Variants in EPRS1 observed in about 807,000 individuals in gnomAD.
EPRS1 encodes bifunctional glutamate/proline--tRNA ligase.
In EPRS1, 107 loss-of-function variants were observed where a neutral mutation model predicts 188.3. The ratio of observed to expected loss-of-function variants is 0.57; its 90% CI spans 0.49 to 0.67. The LOEUF is 0.67. EPRS1 is among the 30% of genes least tolerant of loss of function. The pLI is 0.00. For synonymous variants in EPRS1, 596 were observed against 593.1 expected (o/e 1.00, Z -0.07); for missense variants, 1,577 against 1,802.2 (o/e 0.88, Z 2.26).
chr1:219,978,962 A>AT (rs765667656), intron 27 of EPRS1, among the ~76,000 whole-genome samples: 377 of 42,368 alleles, frequency 8.9e-3, no homozygotes, highest in East Asian at 0.035. Context: ...ATATATATAT[A>AT]TATTTTTTTT....
At position 219,988,728 on chromosome 1, in the gene EPRS1, T is replaced by C; in HGVS notation, c.2637A>G (p.Leu879=). The change falls in exon 19 of 32, where the codon TTA becomes TTG. Residue 879 remains leucine, a synonymous_variant. Coordinates refer to ENST00000366923, the MANE Select transcript of EPRS1 (RefSeq NM_004446.3). ...TTGGGCTTGAATCCGAACTTTGAGA[T>C]AATGGGGGCTGACCAGGTATGTACT... ...GKEYIPGQPP[L]SQSSDSSPTR... The C allele has an allele frequency of 6.2e-7, 1 of 1,613,960 alleles. No individual in the cohort carries two copies. Among genetic ancestry groups the C allele is most frequent in the East Asian group, 2.2e-5 (1 of 44,876 alleles).
intron 18 of EPRS1, among the ~76,000 whole-genome samples, chr1:219,996,741 A>T (rs1337638959): frequency 4.6e-5 from 7 of 152,232 alleles, no homozygotes; most frequent in Admixed American, 4.6e-4. Context: ...ACAAAGGATT[A>T]CAGTCACATC....
chr1:219,995,118 G>A (rs1661206881), intron 18 of EPRS1, among the ~76,000 whole-genome samples: 1 of 152,158 alleles, frequency 6.6e-6, no homozygotes, highest in African/African-American at 2.4e-5. Context: ...CTAAACTGAA[G>A]TCAGATTTAT....
At position 219,982,840 on chromosome 1, in the gene EPRS1, G is replaced by C; in HGVS notation, c.3305C>G (p.Ala1102Gly). ...THVADFAPEV[A>G]WVTRSGKTEL... Reference sequence around the variant, plus strand: ...GGTTTTGCCAGATCTTGTAACCCAAGCAACCTAGTAAGAAAAAATCATTTT... The same window carrying C: ...GGTTTTGCCAGATCTTGTAACCCAACCAACCTAGTAAGAAAAAATCATTTT... Residue 1102 changes from alanine (A) to glycine (G), a missense_variant, in exon 23 of 32, where the codon GCT becomes GGT. This residue lies in a region of EPRS1 where 1,278 missense variants were observed against 1,457.4 expected (regional missense o/e 0.88). Coordinates refer to ENST00000366923, the MANE Select transcript of EPRS1 (RefSeq NM_004446.3). The C allele has an allele frequency of 6.2e-7, 1 of 1,613,660 alleles. No homozygotes were observed. The highest frequency in any genetic ancestry group is 8.5e-7 in the Non-Finnish European group (1 of 1,179,684).
chr1:220,042,748 C>T (rs907029555), intron 1 of EPRS1, among the ~76,000 whole-genome samples: 16 of 151,612 alleles, frequency 1.1e-4, no homozygotes, highest in African/African-American at 1.5e-4. Context: ...GGTGAAACTC[C>T]GTCTCTACTA....
Position 220,033,684 on chromosome 1 carries a change from A to C in EPRS1, c.232-26T>G, listed in dbSNP as rs770251197. 6 of 1,545,186 alleles carry C rather than the reference A, an allele frequency of 3.9e-6. No individual in the cohort carries two copies. In the South Asian group the frequency reaches 7.0e-5, roughly 18 times the overall value. ...CTGTCAACATAAAAGACAGAAAAGAAATGCATTCCAACATTTCAACTTATA... is the reference window on the plus strand; with the variant it reads ...CTGTCAACATAAAAGACAGAAAAGACATGCATTCCAACATTTCAACTTATA... On this transcript the variant is annotated intron_variant, in intron 3 of 31. Transcript: ENST00000366923.
intron 12 of EPRS1, among the ~76,000 whole-genome samples, chr1:220,014,171 T>C (rs1661657195): frequency 1.3e-5 from 2 of 151,742 alleles, no homozygotes; most frequent in Non-Finnish European, 2.9e-5. Flanking sequence ...ATACTAAAAA[T>C]ACAAAAATTA....
At chr1:220,043,470 G>A (rs555812194) in intron 1 of EPRS1, among the ~76,000 whole-genome samples, 3 of 151,998 alleles carry the variant, frequency 2.0e-5, no homozygotes, top group South Asian at 2.1e-4. Flanking sequence ...TCACTATCTC[G>A]CAAACATCAT....
At chr1:219,986,783 A>ATGTGTATGTGTGTGTG (rs1661014044) in intron 20 of EPRS1, among the ~76,000 whole-genome samples, 1 of 150,156 alleles carries the variant, frequency 6.7e-6, no homozygotes, top group Non-Finnish European at 1.5e-5. Flanking sequence ...GAAAATATGT[A>ATGTGTATGTGTGTGTG]TGTGTGTGTG....
chr1:219,975,046 T>A (rs532480403), intron 28 of EPRS1, among the ~76,000 whole-genome samples: 22 of 152,306 alleles, frequency 1.4e-4, no homozygotes, highest in African/African-American at 5.3e-4. Flanking sequence ...AAAATGCCTA[T>A]GTCATAAATG....
intron 20 of EPRS1, 30 bp from the exon 21 acceptor site, chr1:219,984,287 T>A (rs545931937): frequency 1.3e-5 from 20 of 1,547,032 alleles, no homozygotes; most frequent in Non-Finnish European, 1.7e-5. Flanking sequence ...AAGATAAATA[T>A]CTTCATTCAG....
chr1:220,018,044 T>C (rs1189224268), intron 12 of EPRS1: 2 of 746,692 alleles, frequency 2.7e-6, no homozygotes, highest in Non-Finnish European at 3.9e-6. Context: ...TGATTGTGCT[T>C]CAAAGCCATA....
intron 15 of EPRS1, 67 bp downstream of exon 15, chr1:220,006,039 T>C (rs1661461189): frequency 8.8e-6 from 8 of 912,286 alleles, no homozygotes; most frequent in Non-Finnish European, 1.3e-5. Flanking sequence ...CCGAAATATA[T>C]AAAATTAATT....
intron 2 of EPRS1, among the ~76,000 whole-genome samples, chr1:220,037,736 T>C (rs760984748): frequency 5.3e-5 from 8 of 152,130 alleles, no homozygotes; most frequent in Non-Finnish European, 8.8e-5. Flanking sequence ...AAGCATATTA[T>C]TGTAAAATTT....
rs909886434 is a variant in EPRS1, at chr1:220,022,525, A to G, written c.944-7T>C. On this transcript the variant is annotated splice_region_variant and splice_polypyrimidine_tract_variant and intron_variant, in intron 8 of 31. Transcript: ENST00000366923. ...TGTAGATTCTTCTCAATAGCTATAA[A>G]ATGATAATTACATTACGGTTCACTA... 1.9e-6 allele frequency: 3 copies of G among 1,601,618 alleles called. No homozygotes were observed. In the African/African-American group the frequency reaches 4.0e-5, roughly 22 times the overall value.
chr1:220,003,905 T>C (rs1364298647), intron 16 of EPRS1, among the ~76,000 whole-genome samples: 2 of 152,288 alleles, frequency 1.3e-5, no homozygotes, highest in East Asian at 3.9e-4. Context: ...GGCAATTTGG[T>C]ACATATGTTA....
At position 219,984,192 on chromosome 1, in the gene EPRS1, G is replaced by A; in HGVS notation, c.3090+14C>T. ...CAGACTTAAAACATAAAAATCAACT[G>A]AATGCATACTCACCTGAGAATACCA... On this transcript the variant is annotated intron_variant, in intron 21 of 31. Coordinates refer to ENST00000366923, the MANE Select transcript of EPRS1 (RefSeq NM_004446.3). 2 of 1,604,814 alleles carry A rather than the reference G, an allele frequency of 1.2e-6. No homozygotes were observed. The highest frequency in any genetic ancestry group is 1.7e-6 in the Non-Finnish European group (2 of 1,171,860).
Position 220,046,483 on chromosome 1 carries a change from T to C in EPRS1, c.-95A>G, listed in dbSNP as rs1264562235. 2.6e-6 allele frequency: 4 copies of C among 1,541,692 alleles called. No homozygotes were observed. The East Asian group carries it at 7.3e-5, about 28-fold the overall frequency. On this transcript the variant is annotated 5_prime_UTR_variant, in exon 1 of 32. Coordinates refer to ENST00000366923, the MANE Select transcript of EPRS1 (RefSeq NM_004446.3). The stretch of plus-strand genomic sequence containing the variant: ...AGGAAGAAGATGCAACGTGTGCGCG[T>C]ACCCGACGCCGCCGCAGCCTTCGCT...
intron 6 of EPRS1, among the ~76,000 whole-genome samples, chr1:220,026,783 G>A (rs930721045): frequency 4.0e-5 from 6 of 151,678 alleles, no homozygotes; most frequent in African/African-American, 1.5e-4. Flanking sequence ...GCCTGCCTCG[G>A]CCAGCAGTTG....
Sources: gnomAD v4.1 joint callset for allele counts (sites outside exome capture counted in the v4.1 genomes callset) on GRCh38, gnomAD v4.1.1 for gene constraint, gnomAD v4.1.1 regional missense constraint, MANE v1.5 for transcripts, NCBI Gene and HGNC (gene_info 2026-07-23, HGNC 2026-07-21) for gene names.